GTF2H1: variants seen among roughly 807,000 people sequenced by gnomAD.
GTF2H1 encodes BTF2 p62.
GTF2H1 carries 16 observed loss-of-function variants against 71.2 expected under a neutral mutation model. That is an observed-to-expected ratio of 0.22 (90% CI 0.15 to 0.34). GTF2H1 has a LOEUF of 0.34. Among genes scored for constraint, GTF2H1 ranks in the 10% least tolerant of loss-of-function variants. The pLI, the probability that GTF2H1 is intolerant of heterozygous loss-of-function variation, is 1.00. For synonymous variants in GTF2H1, 215 were observed against 219.0 expected, an observed-to-expected ratio of 0.98 and a Z score of 0.16; for missense variants, 498 against 648.2, an observed-to-expected ratio of 0.77 and a Z score of 2.52.
rs762191328 is a variant in GTF2H1 at position 18,358,651 on chromosome 11, G to A, written c.1467+11G>A. On this transcript the variant is annotated intron_variant, in intron 13 of 14. Transcript: ENST00000265963. Reference sequence around the variant, plus strand: ...TTCCTAGAAGAAAAGGTTAGAACCAGTTCTGAAGACAGCCAGATAATTGTG... The same window carrying A: ...TTCCTAGAAGAAAAGGTTAGAACCAATTCTGAAGACAGCCAGATAATTGTG... 1 of 1,480,768 alleles carries A rather than the reference G, an allele frequency of 6.8e-7. No individual in the cohort carries two copies. Among genetic ancestry groups the A allele is most frequent in the East Asian group, 2.3e-5 (1 of 44,174 alleles). 91.7% of individuals were successfully genotyped at this position (1,480,768 alleles called of 1,614,324 possible).
intron 11 of GTF2H1, among the ~76,000 whole-genome samples, chr11:18,353,835 C>T (rs978767172): frequency 1.3e-5 from 2 of 152,030 alleles, no homozygotes; most frequent in African/African-American, 2.4e-5. Context: ...CTAAATATTT[C>T]GATGTATATT....
intron 10 of GTF2H1, 134 bp downstream of exon 10, chr11:18,352,103 G>T: frequency 1.6e-6 from 1 of 643,088 alleles, no homozygotes; most frequent in African/African-American, 1.8e-5. Flanking sequence ...TAAAATTTAG[G>T]CTTCTCAGGA....
At chr11:18,352,690 A>G (rs1020912685) in intron 11 of GTF2H1, among the ~76,000 whole-genome samples, 9 of 152,204 alleles carry the variant, frequency 5.9e-5, no homozygotes, top group South Asian at 4.1e-4. Context: ...ACTTCCATAT[A>G]CTTTTATTGG....
chr11:18,342,539 G>A (rs559822045), intron 7 of GTF2H1, among the ~76,000 whole-genome samples: 2 of 152,220 alleles, frequency 1.3e-5, no homozygotes, highest in South Asian at 4.1e-4. Flanking sequence ...TGGGATTACA[G>A]TCATGAGCCA....
In GTF2H1 at chr11:18,333,206, C is replaced by T; in HGVS notation, c.132C>T (p.Ser44=). The change falls in exon 2 of 15, where the codon AGC becomes AGT. Residue 44 remains serine, a synonymous_variant. Transcript: ENST00000265963. ...AAGGCAAAGATAGATTTACAATCAGCCATATGTATGCAGATATTAAATGTA... is the reference window on the plus strand; with the variant it reads ...AAGGCAAAGATAGATTTACAATCAGTCATATGTATGCAGATATTAAATGTA... ...APEGKDRFTI[S]HMYADIKCQK... is the part of the protein sequence containing the mutation. 1 of 1,612,330 alleles carries T rather than the reference C, an allele frequency of 6.2e-7. No homozygotes were observed. Among genetic ancestry groups the T allele is most frequent in the Non-Finnish European group, 8.5e-7 (1 of 1,178,922 alleles).
At chr11:18,334,067 C>A (rs1165750559) in intron 2 of GTF2H1, among the ~76,000 whole-genome samples, 1 of 152,104 alleles carries the variant, frequency 6.6e-6, no homozygotes, top group African/African-American at 2.4e-5. Flanking sequence ...CATGGTGGAA[C>A]CCCATTTCTA....
chr11:18,339,704 T>G, intron 5 of GTF2H1, 47 bp downstream of exon 5: 1 of 1,083,656 alleles, frequency 9.2e-7, no homozygotes, highest in Non-Finnish European at 1.4e-6. Flanking sequence ...ATGGATATAT[T>G]CTATAGTATA....
chr11:18,350,053 C>T (rs1253504812), intron 9 of GTF2H1, among the ~76,000 whole-genome samples: 1 of 152,142 alleles, frequency 6.6e-6, no homozygotes, highest in Admixed American at 6.5e-5. Flanking sequence ...TGAAAAATTC[C>T]AAGTCAAACC....
At chr11:18,365,594 T>A (rs934978308) in intron 14 of GTF2H1, among the ~76,000 whole-genome samples, 189 bp from the exon 15 acceptor site, 1 of 152,096 alleles carries the variant, frequency 6.6e-6, no homozygotes, top group African/African-American at 2.4e-5. Context: ...CCCCCTACTT[T>A]CTGTCTTTCC....
At chr11:18,332,291 A>C (rs1864918977) in intron 1 of GTF2H1, among the ~76,000 whole-genome samples, 1 of 152,234 alleles carries the variant, frequency 6.6e-6, no homozygotes, top group Admixed American at 6.5e-5. Flanking sequence ...TGGTGCCACA[A>C]CTTTCCCCAT....
chr11:18,326,072 A>C (rs745654519), intron 1 of GTF2H1: 1 of 152,244 alleles, frequency 6.6e-6, no homozygotes, highest in Non-Finnish European at 1.5e-5. Flanking sequence ...TCCTTGAACA[A>C]TTAAGAGGTG....
chr11:18,349,405 A>G (rs900807426), intron 9 of GTF2H1, among the ~76,000 whole-genome samples: 1 of 152,150 alleles, frequency 6.6e-6, no homozygotes, highest in African/African-American at 2.4e-5. Context: ...TTTCTTGGCC[A>G]GGAGCCGTGG....
In GTF2H1 at chr11:18,352,423, G is replaced by C. The variant is rs1276568499; in HGVS notation, c.1237G>C (p.Ala413Pro). The C allele has an allele frequency of 6.7e-7, 1 of 1,484,274 alleles. No individual in the cohort carries two copies. Among genetic ancestry groups the C allele is most frequent in the Non-Finnish European group, 9.4e-7 (1 of 1,062,038 alleles). 91.9% of individuals were successfully genotyped at this position (1,484,274 alleles called of 1,614,324 possible). A position where few individuals can be genotyped will look rare whatever the true frequency, so the allele number is the denominator to read the frequency against. ...TCAAAGTATTAGACAAGAAATGGAA[G>C]CTTATACACCCAAGTTAACTCAGGT... ...SFQSIRQEME[A>P]YTPKLTQVLS... Residue 413 changes from alanine to proline, a missense_variant, in exon 11 of 15, where the codon GCT (alanine) becomes CCT (proline). Transcript: ENST00000265963.
Position 18,357,936 on chromosome 11 carries a change from T to A in GTF2H1, c.1261-16T>A. The stretch of plus-strand genomic sequence containing the variant: ...AGGGAGGAAAACCAGTTTTAATGCA[T>A]CTTCATTTTTTTCAGGTTCTCTCAA... On this transcript the variant is annotated splice_polypyrimidine_tract_variant and intron_variant, in intron 11 of 14. Transcript: ENST00000265963. 1 of 1,499,252 alleles carries A rather than the reference T, an allele frequency of 6.7e-7. No homozygotes were observed. The highest frequency in any genetic ancestry group is 9.3e-7 in the Non-Finnish European group (1 of 1,077,162). The allele number at this position is 1,499,252 out of a possible 1,614,324, so 92.9% of individuals were successfully genotyped here. A position where few individuals can be genotyped will look rare whatever the true frequency, so the allele number is the denominator to read the frequency against.
Position 18,330,301 on chromosome 11 carries a change from C to G in GTF2H1, c.-15-2759C>G, listed in dbSNP as rs568875365. 1.1e-4 allele frequency among the ~76,000 whole-genome samples: 17 copies of G among 152,002 alleles called. No individual in the cohort carries two copies. In the South Asian group the frequency reaches 3.1e-3, roughly 28 times the overall value. Reference sequence around the variant, plus strand: ...TAGCAACTGTCTGAAGCTGGTGGCACCAGTAATAAAAAGAATTCACCAAGA... The same window carrying G: ...TAGCAACTGTCTGAAGCTGGTGGCAGCAGTAATAAAAAGAATTCACCAAGA... On this transcript the variant is annotated intron_variant, in intron 1 of 14. Transcript: ENST00000265963.
chr11:18,366,134 TG>T lies in GTF2H1; in HGVS notation c.*266del, dbSNP rs1235298834. ...ATATATATACACACACACACATATATGTACATGTGTATGTACATATATATTT... is the reference window on the plus strand; with the variant it reads ...ATATATATACACACACACACATATATTACATGTGTATGTACATATATATTT... On this transcript the variant is annotated 3_prime_UTR_variant, in exon 15 of 15. Transcript: ENST00000265963. 4 of 438,984 alleles carry T rather than the reference TG, an allele frequency of 9.1e-6. No homozygotes were observed. The highest frequency in any genetic ancestry group is 7.9e-5 in the African/African-American group (4 of 50,726). 27.2% of individuals were successfully genotyped at this position (438,984 alleles called of 1,614,324 possible). A position where few individuals can be genotyped will look rare whatever the true frequency, so the allele number is the denominator to read the frequency against.
At chr11:18,323,563 AC>A (rs1402033590) in intron 1 of GTF2H1, among the ~76,000 whole-genome samples, 1 of 151,978 alleles carries the variant, frequency 6.6e-6, no homozygotes, top group African/African-American at 2.4e-5. Context: ...AAAAACAAAA[AC>A]AAAAAAAAAA....
chr11:18,351,925 TA>T lies in GTF2H1; in HGVS notation c.1100del (p.Asn367IlefsTer3). The T allele has an allele frequency of 6.2e-7, 1 of 1,601,712 alleles. No homozygotes were observed. Among genetic ancestry groups the T allele is most frequent in the South Asian group, 1.1e-5 (1 of 90,788 alleles). ...TTGAATATGAAGACTTGGGGAAAAATAATTCTGTAAAAACGATTGCACTAAA... is the reference window on the plus strand; with the variant it reads ...TTGAATATGAAGACTTGGGGAAAAATATTCTGTAAAAACGATTGCACTAAA... ...SIEYEDLGKN[N>X]SVKTIALNLK... On this transcript the variant is annotated frameshift_variant, in exon 10 of 15. Coordinates refer to ENST00000265963, the MANE Select transcript of GTF2H1 (RefSeq NM_005316.4). LOFTEE classifies it high-confidence loss of function.
chr11:18,352,137 C>T (rs1400349159), intron 10 of GTF2H1, 168 bp downstream of exon 10: 5 of 624,502 alleles, frequency 8.0e-6, no homozygotes, highest in African/African-American at 7.4e-5. Flanking sequence ...AAACCCATGA[C>T]AATAAATGTG....
Sources: allele counts gnomAD v4.1 joint callset (sites outside exome capture counted in the v4.1 genomes callset), GRCh38; gene constraint gnomAD v4.1.1; transcripts MANE v1.5; gene names NCBI Gene and HGNC (gene_info 2026-07-23, HGNC 2026-07-21).